ATP1B2: variants seen among roughly 807,000 people sequenced by gnomAD.
The protein encoded by ATP1B2 is sodium/potassium-transporting ATPase subunit beta-2.
Under a neutral mutation model 37.3 loss-of-function variants are expected in ATP1B2, and 12 were observed. The observed-to-expected ratio is 0.32, with a 90% CI of 0.21 to 0.52. ATP1B2 has a LOEUF of 0.52. Among genes scored for constraint, ATP1B2 ranks in the 20% least tolerant of loss-of-function variants. The pLI, the probability that ATP1B2 is intolerant of heterozygous loss-of-function variation, is 0.96. For synonymous variants in ATP1B2, 139 were observed against 140.5 expected, an observed-to-expected ratio of 0.99 and a Z score of 0.07; for missense variants, 324 against 391.6, an observed-to-expected ratio of 0.83 and a Z score of 1.46.
chr17:7,649,719 A>AT (rs750866645), upstream of ATP1B2, among the ~76,000 whole-genome samples: 3,609 of 146,510 alleles, frequency 0.025, 108 homozygotes, highest in African/African-American at 0.07. Context: ...CGCCCAGCTA[A>AT]TTTTTTTTTT....
Position 7,655,447 on chromosome 17 carries a change from G to A in ATP1B2, c.610-80G>A. On this transcript the variant is annotated intron_variant, in intron 5 of 6. Transcript: ENST00000250111. The surrounding 1 kb of genome is among the most constrained non-coding windows in gnomAD (Gnocchi z 4.4). ...TAATTGGGGCGAAGGAAGAACAAAA[G>A]AACAAATGGAAGTCTGGTGAGCTCC... 1 of 1,390,650 alleles carries A rather than the reference G, an allele frequency of 7.2e-7. No individual in the cohort carries two copies. The highest frequency in any genetic ancestry group is 1.0e-6 in the Non-Finnish European group (1 of 984,140). 86.1% of individuals were successfully genotyped at this position (1,390,650 alleles called of 1,614,324 possible).
chr17:7,652,353 G>C (rs1038136035), intron 1 of ATP1B2, among the ~76,000 whole-genome samples: 10 of 151,870 alleles, frequency 6.6e-5, no homozygotes, highest in Non-Finnish European at 1.5e-4. Flanking sequence ...GGTTGGGGGG[G>C]TGGAGGGGGT....
chr17:7,651,709 C>T (rs1597334264), intron 1 of ATP1B2, 79 bp downstream of exon 1: 1 of 1,257,446 alleles, frequency 8.0e-7, no homozygotes, highest in South Asian at 1.5e-5. Flanking sequence ...GCCGACGCGG[C>T]CCCAGCTCCC....
chr17:7,656,067 G>T lies in ATP1B2; in HGVS notation c.*172G>T. 1.1e-6 allele frequency: 1 copy of T among 879,938 alleles called. No individual in the cohort carries two copies. The highest frequency in any genetic ancestry group is 1.7e-6 in the Non-Finnish European group (1 of 591,114). 54.5% of individuals were successfully genotyped at this position (879,938 alleles called of 1,614,324 possible). The stretch of plus-strand genomic sequence containing the variant: ...TCAACCCAGCCTGAAGTCCATTGCG[G>T]TTCCGTCACTCGCCTTTCCCACCAA... On this transcript the variant is annotated 3_prime_UTR_variant, in exon 7 of 7. Transcript: ENST00000250111.
At chr17:7,653,810 T>TTA in intron 2 of ATP1B2, 31 bp from the exon 3 acceptor site, 10 of 1,601,436 alleles carry the variant, frequency 6.2e-6, no homozygotes, top group Non-Finnish European at 8.6e-6. Flanking sequence ...ATCTTATAGA[T>TTA]ACCCCCAACT....
At chr17:7,653,783 T>A in intron 2 of ATP1B2, 58 bp from the exon 3 acceptor site, 1 of 1,538,264 alleles carries the variant, frequency 6.5e-7, no homozygotes, top group South Asian at 1.1e-5. Context: ...TTTTCTTCCC[T>A]CTGTGTGCAG....
In ATP1B2 at chr17:7,653,534, C is replaced by CT. The variant is rs771866868; in HGVS notation, c.241+33dup. On this transcript the variant is annotated intron_variant, in intron 2 of 6. Transcript: ENST00000250111. ...GTGGAGGCTCCCCCTGCCAGCTACT[C>CT]TAACTGCTCTTGTGCCCCCAAACCT... is the stretch of plus-strand genomic sequence containing the variant. The CT allele has an allele frequency of 1.6e-4, 260 of 1,611,650 alleles. 1 individual carries two copies. The highest frequency in any genetic ancestry group is 4.9e-4 in the Middle Eastern group (3 of 6,068).
chr17:7,650,409 C>G (rs2072602297), upstream of ATP1B2, among the ~76,000 whole-genome samples: 1 of 152,242 alleles, frequency 6.6e-6, no homozygotes. Flanking sequence ...AACAGGGGAA[C>G]GTCCCTCTGG....
chr17:7,655,853 C>T lies in ATP1B2; in HGVS notation c.831C>T (p.Phe277=), dbSNP rs370052173. 5.1e-5 allele frequency: 83 copies of T among 1,614,122 alleles called. No individual in the cohort carries two copies. The highest frequency in any genetic ancestry group is 3.1e-4 in the East Asian group (14 of 44,874). Reference sequence around the variant, plus strand: ...CCACAGACGATGAGCGAGACAAGTTCGCCGGCCGCGTGGCCTTCAAACTCC... The same window carrying T: ...CCACAGACGATGAGCGAGACAAGTTTGCCGGCCGCGTGGCCTTCAAACTCC... ...NIATDDERDK[F]AGRVAFKLRI... The change falls in exon 7 of 7, where the codon TTC becomes TTT. Residue 277 remains phenylalanine, a synonymous_variant. Coordinates refer to ENST00000250111, the MANE Select transcript of ATP1B2 (RefSeq NM_001678.5). This position sits in a 1 kb window ranked among gnomAD's most constrained non-coding sequence, Gnocchi z 4.4.
chr17:7,648,644 G>T (rs1308890939), upstream of ATP1B2, among the ~76,000 whole-genome samples: 1 of 144,452 alleles, frequency 6.9e-6, no homozygotes, highest in Non-Finnish European at 1.5e-5. Context: ...CCTAGGTTTT[G>T]AACAAGGGTC....
At chr17:7,648,507 CA>C (rs1217630253), upstream of ATP1B2, among the ~76,000 whole-genome samples, 4 of 132,788 alleles carry the variant, frequency 3.0e-5, no homozygotes, top group African/African-American at 1.2e-4. Context: ...GCAGAGGCTG[CA>C]GTGAGCAGAT....
chr17:7,649,131 C>A (rs1367693392), upstream of ATP1B2, among the ~76,000 whole-genome samples: 1 of 152,222 alleles, frequency 6.6e-6, no homozygotes, highest in Non-Finnish European at 1.5e-5. Context: ...CGGCTCACTG[C>A]AACCTCCACC....
At chr17:7,652,004 C>A (rs1172685821) in intron 1 of ATP1B2, among the ~76,000 whole-genome samples, 1 of 152,116 alleles carries the variant, frequency 6.6e-6, no homozygotes, top group Non-Finnish European at 1.5e-5. Context: ...TCCGCAGCCC[C>A]GTCTATTTTT....
rs775869812 is a variant in ATP1B2, at chr17:7,653,427, A to G, written c.166A>G (p.Thr56Ala). 1 of 1,613,776 alleles carries G rather than the reference A, an allele frequency of 6.2e-7. No individual in the cohort carries two copies. The highest frequency in any genetic ancestry group is 8.5e-7 in the Non-Finnish European group (1 of 1,179,952). ...TTATGGGTTCCTCACCGCCATGTTC[A>G]CCCTCACCATGTGGGTGATGCTGCA... ...VFYGFLTAMF[T>A]LTMWVMLQTV... is the part of the protein sequence containing the mutation. Residue 56 changes from threonine (T) to alanine (A), a missense_variant, in exon 2 of 7, where the codon ACC (threonine) becomes GCC (alanine). Transcript: ENST00000250111.
At chr17:7,651,951 A>G (rs1243430421) in intron 1 of ATP1B2, among the ~76,000 whole-genome samples, 1 of 151,292 alleles carries the variant, frequency 6.6e-6, no homozygotes, top group Non-Finnish European at 1.5e-5. Context: ...GGCGTCCCCC[A>G]CCTCCAAAGA....
chr17:7,647,561 CT>C (rs2072582459), upstream of ATP1B2, among the ~76,000 whole-genome samples: 1 of 152,010 alleles, frequency 6.6e-6, no homozygotes, highest in Admixed American at 6.6e-5. Flanking sequence ...TGGCTCACGC[CT>C]GTAATCCCAG....
intron 1 of ATP1B2, among the ~76,000 whole-genome samples, chr17:7,652,998 C>T (rs973730951): frequency 1.3e-5 from 2 of 152,158 alleles, no homozygotes; most frequent in Admixed American, 6.5e-5. Flanking sequence ...GGCCAGTACC[C>T]GCTTTAAAAG....
At position 7,654,371 on chromosome 17, in the gene ATP1B2, G is replaced by T; in HGVS notation, c.552+114G>T. The stretch of plus-strand genomic sequence containing the variant: ...GGGCATGAGAAAGACTTGGATGTTT[G>T]TGTAGCTGAGAGAAAAAGAGAGGTG... On this transcript the variant is annotated intron_variant, in intron 4 of 6. Transcript: ENST00000250111. The surrounding 1 kb of genome is among the most constrained non-coding windows in gnomAD (Gnocchi z 4.9). 1 of 1,284,278 alleles carries T rather than the reference G, an allele frequency of 7.8e-7. No individual in the cohort carries two copies. The highest frequency in any genetic ancestry group is 1.1e-6 in the Non-Finnish European group (1 of 909,592). The allele number at this position is 1,284,278 out of a possible 1,614,324, so 79.6% of individuals were successfully genotyped here.
rs189871284 is a variant in ATP1B2 at position 7,655,619 on chromosome 17, G to A, written c.702G>A (p.Lys234=). 2 of 1,614,124 alleles carry A rather than the reference G, an allele frequency of 1.2e-6. No individual in the cohort carries two copies. Among genetic ancestry groups the A allele is most frequent in the Admixed American group, 3.3e-5 (2 of 60,004 alleles). ...DLMYFPYYGK[K]FHVNYTQPLV... is the part of the protein sequence containing the mutation. ...TGTACTTCCCCTACTATGGCAAAAA[G>A]TTCCACGTAAGTCCCAGGGGAGGCC... Residue 234 remains lysine, a synonymous_variant, in exon 6 of 7, where the codon AAG becomes AAA. Transcript: ENST00000250111. This position sits in a 1 kb window ranked among gnomAD's most constrained non-coding sequence, Gnocchi z 4.4.
Sources: gnomAD v4.1 joint callset for allele counts (sites outside exome capture counted in the v4.1 genomes callset) on GRCh38, gnomAD v4.1.1 for gene constraint, Gnocchi (gnomAD v3.1) non-coding constraint, MANE v1.5 for transcripts, NCBI Gene and HGNC (gene_info 2026-07-23, HGNC 2026-07-21) for gene names.